PLD5: variants seen among roughly 807,000 people sequenced by gnomAD.
PLD5 encodes phospholipase D family member 5, also known as inactive phospholipase D5.
Under a neutral mutation model 61.1 loss-of-function variants are expected in PLD5, and 36 were observed. The observed-to-expected ratio is 0.59, with a 90% CI of 0.45 to 0.78. The LOEUF (loss-of-function observed/expected upper bound fraction) is 0.78. Ranked by LOEUF, PLD5 falls within the 30% of genes least tolerant of loss-of-function variation. PLD5 has a pLI of 0.00. For synonymous variants in PLD5, 243 were observed against 242.8 expected (o/e 1.00, Z -0.01); for missense variants, 515 against 644.4 (o/e 0.80, Z 2.17).
intron 1 of PLD5, among the ~76,000 whole-genome samples, chr1:242,416,187 G>A (rs1664826450): frequency 6.6e-6 from 1 of 151,944 alleles, no homozygotes; most frequent in Non-Finnish European, 1.5e-5. Context: ...CATTGTTGTT[G>A]AGGACTAGGA....
At chr1:242,240,133 T>C (rs1488846405) in intron 4 of PLD5, among the ~76,000 whole-genome samples, 1 of 152,226 alleles carries the variant, frequency 6.6e-6, no homozygotes, top group African/African-American at 2.4e-5. Context: ...ACATGGCAAG[T>C]GGCCAGCACT....
intron 1 of PLD5, among the ~76,000 whole-genome samples, chr1:242,439,908 A>G (rs1164113544): frequency 6.6e-6 from 1 of 152,348 alleles, no homozygotes; most frequent in East Asian, 1.9e-4. Flanking sequence ...ATAAGCCACA[A>G]GCAGTGGAAA....
rs1312702681 is a variant in PLD5, at chr1:242,088,417, T to A, written c.*1437A>T. 1 of 152,238 alleles carries A rather than the reference T, an allele frequency of 6.6e-6. No homozygotes were observed. Among genetic ancestry groups the A allele is most frequent in the Non-Finnish European group, 1.5e-5 (1 of 68,044 alleles). 9.4% of individuals were successfully genotyped at this position (152,238 alleles called of 1,614,324 possible). A position where few individuals can be genotyped will look rare whatever the true frequency, so the allele number is the denominator to read the frequency against. Reference sequence around the variant, plus strand: ...TCCATCAAGATATGACAAAGTTTATTTCAAGAAAAAGATTATATATTATAA... The same window carrying A: ...TCCATCAAGATATGACAAAGTTTATATCAAGAAAAAGATTATATATTATAA... On this transcript the variant is annotated 3_prime_UTR_variant, in exon 10 of 10. Transcript: ENST00000536534.
At position 242,145,914 on chromosome 1, in the gene PLD5, G is replaced by A. The variant is rs540412493; in HGVS notation, c.736-21249C>T. On this transcript the variant is annotated intron_variant, in intron 5 of 9. Coordinates refer to ENST00000536534, the MANE Select transcript of PLD5 (RefSeq NM_001372062.1). ...TGGTCTCGAACTCCTGGCCTCAAGT[G>A]ATCCACTCGCCTTGGCCTCCCAAAG... Among the ~76,000 whole-genome samples the A allele has an allele frequency of 1.5e-3, 228 of 152,342 alleles. 3 individuals are homozygous for A. Among genetic ancestry groups the A allele is most frequent in the Middle Eastern group, 3.4e-3 (1 of 294 alleles).
chr1:242,300,901 T>C (rs1233462137), intron 2 of PLD5, among the ~76,000 whole-genome samples: 1 of 152,130 alleles, frequency 6.6e-6, no homozygotes, highest in Non-Finnish European at 1.5e-5. Flanking sequence ...GTAAGGCAGA[T>C]AGAAATATGG....
intron 1 of PLD5, among the ~76,000 whole-genome samples, chr1:242,427,200 T>G (rs1343067223): frequency 6.6e-6 from 1 of 152,202 alleles, no homozygotes; most frequent in South Asian, 2.1e-4. Context: ...TAATTAGGAA[T>G]TAGAATTGTT....
intron 7 of PLD5, among the ~76,000 whole-genome samples, chr1:242,112,339 G>GTGTGTATATATATATATATATATTTA (rs1370325825): frequency 7.0e-6 from 1 of 143,304 alleles, no homozygotes; most frequent in Non-Finnish European, 1.5e-5. Flanking sequence ...ATGTATATGT[G>GTGTGTATATATATATATATATATTTA]TATATATATA....
At chr1:242,193,982 C>T (rs1367788253) in intron 5 of PLD5, among the ~76,000 whole-genome samples, 1 of 152,186 alleles carries the variant, frequency 6.6e-6, no homozygotes, top group Non-Finnish European at 1.5e-5. Context: ...TGTGGAGCTA[C>T]TTAGAAAAAA....
chr1:242,472,313 A>G (rs561729713), intron 1 of PLD5, among the ~76,000 whole-genome samples: 3 of 152,306 alleles, frequency 2.0e-5, no homozygotes, highest in African/African-American at 7.2e-5. Context: ...TAAGGAGCAC[A>G]CTTTGTTTGC....
In PLD5 at chr1:242,194,630, C is replaced by G. The variant is rs12749239; in HGVS notation, c.735+25358G>C. ...TGTATCTATCTATGTATCTATCTAT[C>G]TATCTATCTATCTATCTATCTATCT... On this transcript the variant is annotated intron_variant, in intron 5 of 9. Transcript: ENST00000536534. Among the ~76,000 whole-genome samples the G allele has an allele frequency of 4.0e-3, 350 of 86,964 alleles. 3 individuals carry two copies. Among genetic ancestry groups the G allele is most frequent in the African/African-American group, 0.01 (257 of 24,678 alleles). The allele number at this position is 86,964 out of a possible 152,430, so 57.1% of individuals were successfully genotyped here.
At chr1:242,478,650 C>G (rs1667673449) in intron 1 of PLD5, among the ~76,000 whole-genome samples, 1 of 152,168 alleles carries the variant, frequency 6.6e-6, no homozygotes, top group African/African-American at 2.4e-5. Flanking sequence ...GCACCAAGTC[C>G]CATTTGTTCA....
chr1:242,212,554 G>T (rs1050738631), intron 5 of PLD5, among the ~76,000 whole-genome samples: 1 of 152,170 alleles, frequency 6.6e-6, no homozygotes, highest in Non-Finnish European at 1.5e-5. Flanking sequence ...TAGCCTGCTG[G>T]GGATGGGCAG....
intron 2 of PLD5, among the ~76,000 whole-genome samples, chr1:242,295,090 C>CA (rs1474124135): frequency 6.6e-6 from 1 of 152,168 alleles, no homozygotes; most frequent in African/African-American, 2.4e-5. Context: ...GGTTCACACT[C>CA]AAAGTCAAGT....
At chr1:242,258,166 T>C (rs2149093650) in intron 4 of PLD5, among the ~76,000 whole-genome samples, 1 of 152,316 alleles carries the variant, frequency 6.6e-6, no homozygotes, top group South Asian at 2.1e-4. Flanking sequence ...TTTCAGGTAA[T>C]AGAGCAGTTT....
intron 1 of PLD5, among the ~76,000 whole-genome samples, chr1:242,353,111 A>G (rs942818207): frequency 1.3e-5 from 2 of 152,152 alleles, no homozygotes; most frequent in African/African-American, 4.8e-5. Context: ...GTTATCATCC[A>G]GGCCAATGTC....
At chr1:242,463,916 C>T (rs6657688) in intron 1 of PLD5, among the ~76,000 whole-genome samples, 96,867 of 151,874 alleles carry the variant, frequency 0.64, 31,775 homozygotes, top group African/African-American at 0.78. Flanking sequence ...CCATTTCTTC[C>T]CTTCCCTGTG....
chr1:242,426,437 A>G (rs1665432251), intron 1 of PLD5, among the ~76,000 whole-genome samples: 1 of 152,212 alleles, frequency 6.6e-6, no homozygotes, highest in Non-Finnish European at 1.5e-5. Flanking sequence ...TATGCCCTGC[A>G]TGTCAGGGCA....
At chr1:242,183,643 C>T (rs167585) in intron 5 of PLD5, among the ~76,000 whole-genome samples, 82,792 of 152,022 alleles carry the variant, frequency 0.54, 23,580 homozygotes, top group East Asian at 0.83. Flanking sequence ...CGCCTGTAAT[C>T]CCAGCACTTT....
intron 1 of PLD5, among the ~76,000 whole-genome samples, chr1:242,497,011 C>T (rs565260557): frequency 1.3e-5 from 2 of 152,290 alleles, no homozygotes; most frequent in South Asian, 4.1e-4. Context: ...GAAACACACA[C>T]TCCAGAAGCC....
Sources: allele counts gnomAD v4.1 joint callset (sites outside exome capture counted in the v4.1 genomes callset), GRCh38; gene constraint gnomAD v4.1.1; transcripts MANE v1.5; gene names NCBI Gene and HGNC (gene_info 2026-07-23, HGNC 2026-07-21).